SYT1: variants seen among roughly 807,000 people sequenced by gnomAD.
SYT1 encodes the protein synaptotagmin-1.
In SYT1, 8 loss-of-function variants were observed where a neutral mutation model predicts 44.8. The observed-to-expected ratio is 0.18, with a 90% CI of 0.10 to 0.32. SYT1 has a LOEUF of 0.32. Among genes scored for constraint, SYT1 ranks in the 10% least tolerant of loss-of-function variants. The probability of loss-of-function intolerance (pLI) is 1.00; values close to 1 mark genes in which losing one functional copy is unlikely to be tolerated. For synonymous variants in SYT1, 154 were observed against 188.8 expected (o/e 0.82, Z 1.51); for missense variants, 286 against 509.3 (o/e 0.56, Z 4.22).
At chr12:79,046,363 A>G (rs1321235484) in intron 2 of SYT1, 2 of 152,214 alleles carry the variant, frequency 1.3e-5, no homozygotes, top group African/African-American at 4.8e-5. Flanking sequence ...ACTTATTATA[A>G]GACCTATTTT....
chr12:79,248,979 A>G (rs1316341267), intron 4 of SYT1, among the ~76,000 whole-genome samples: 1 of 145,654 alleles, frequency 6.9e-6, no homozygotes, highest in Admixed American at 6.9e-5. Flanking sequence ...TGTTTTAGCT[A>G]TTTTTGACTC....
At chr12:79,448,053 A>G (rs1178617295) in intron 10 of SYT1, among the ~76,000 whole-genome samples, 1 of 152,220 alleles carries the variant, frequency 6.6e-6, no homozygotes, top group African/African-American at 2.4e-5. Flanking sequence ...TAAATTCATT[A>G]CTTAGGAAGT....
intron 4 of SYT1, among the ~76,000 whole-genome samples, chr12:79,251,944 G>C (rs1194803915): frequency 4.0e-5 from 6 of 151,414 alleles, no homozygotes; most frequent in African/African-American, 1.5e-4. Context: ...CAGTGTTATG[G>C]TAGTTGAATA....
intron 3 of SYT1, among the ~76,000 whole-genome samples, chr12:79,064,940 GAA>G (rs1360494407): frequency 8.3e-6 from 1 of 119,790 alleles, no homozygotes; most frequent in African/African-American, 3.2e-5. Flanking sequence ...AAGAAAGAAA[GAA>G]AGAAAGAAAG....
At position 79,286,043 on chromosome 12, in the gene SYT1, A is replaced by G. The variant is rs144432352; in HGVS notation, c.351+72A>G. ...AAACAAATGTATTATTTTATGCCAT[A>G]TAATTACAGAAATAAACAACTTCTG... On this transcript the variant is annotated intron_variant, in intron 5 of 10. Transcript: ENST00000261205. 986 of 1,488,020 alleles carry G rather than the reference A, an allele frequency of 6.6e-4. 4 individuals carry two copies. The African/African-American group carries it at 0.013, about 20-fold the overall frequency. The allele number at this position is 1,488,020 out of a possible 1,614,324, so 92.2% of individuals were successfully genotyped here.
At chr12:79,026,664 A>G (rs1351025449) in intron 2 of SYT1, among the ~76,000 whole-genome samples, 1 of 83,020 alleles carries the variant, frequency 1.2e-5, no homozygotes, top group African/African-American at 5.1e-5. Flanking sequence ...ATACATATAT[A>G]TTTTATATAT....
intron 4 of SYT1, among the ~76,000 whole-genome samples, chr12:79,265,198 A>G (rs1316088330): frequency 2.0e-5 from 3 of 152,138 alleles, no homozygotes; most frequent in Non-Finnish European, 4.4e-5. Context: ...ATATATTATC[A>G]CAAATCATTT....
At chr12:79,023,594 CG>C (rs1399657213) in intron 2 of SYT1, among the ~76,000 whole-genome samples, 7 of 151,782 alleles carry the variant, frequency 4.6e-5, no homozygotes, top group Admixed American at 2.0e-4. Context: ...AGCCTGTAGT[CG>C]TTGTTTTTAG....
chr12:79,346,379 C>T (rs79472600), intron 8 of SYT1, among the ~76,000 whole-genome samples: 1,531 of 152,228 alleles, frequency 0.01, 26 homozygotes, highest in African/African-American at 0.034. Flanking sequence ...TGATTGTCAG[C>T]TGTATATTCT....
At chr12:79,436,209 A>G (rs1870081479) in intron 9 of SYT1, among the ~76,000 whole-genome samples, 1 of 152,214 alleles carries the variant, frequency 6.6e-6, no homozygotes, top group South Asian at 2.1e-4. Context: ...AATTTGGAAT[A>G]GGTTTTTCGG....
At chr12:79,426,928 C>T (rs759547596) in intron 9 of SYT1, among the ~76,000 whole-genome samples, 3 of 152,232 alleles carry the variant, frequency 2.0e-5, no homozygotes, top group South Asian at 2.1e-4. Context: ...AGATATCTGA[C>T]GGTTTTATAA....
intron 2 of SYT1, among the ~76,000 whole-genome samples, chr12:79,002,259 G>A (rs1250922107): frequency 1.3e-5 from 2 of 152,026 alleles, no homozygotes; most frequent in Non-Finnish European, 2.9e-5. Flanking sequence ...GTGCATCAAT[G>A]CAACATGCTC....
chr12:79,434,233 A>G (rs557393679), intron 9 of SYT1, among the ~76,000 whole-genome samples: 1 of 152,300 alleles, frequency 6.6e-6, no homozygotes, highest in African/African-American at 2.4e-5. Context: ...CACTTGCATA[A>G]TGTTGTTTTC....
At chr12:79,213,360 T>C (rs555003970) in intron 3 of SYT1, among the ~76,000 whole-genome samples, 1 of 152,196 alleles carries the variant, frequency 6.6e-6, no homozygotes, top group Non-Finnish European at 1.5e-5. Flanking sequence ...TTTGATACTA[T>C]AGTGGCTAAG....
intron 3 of SYT1, among the ~76,000 whole-genome samples, chr12:79,167,515 A>G (rs189228022): frequency 1.3e-5 from 2 of 152,170 alleles, no homozygotes; most frequent in East Asian, 3.9e-4. Context: ...ATACTTGAGA[A>G]ACATAAAATT....
intron 1 of SYT1, among the ~76,000 whole-genome samples, chr12:78,930,605 TTGA>T (rs1877578924): frequency 2.0e-5 from 3 of 151,632 alleles, no homozygotes; most frequent in Non-Finnish European, 2.9e-5. Context: ...CTTTTGTAGA[TTGA>T]TAATGACAGG....
At chr12:79,319,172 A>T (rs1881238287) in intron 8 of SYT1, among the ~76,000 whole-genome samples, 1 of 152,192 alleles carries the variant, frequency 6.6e-6, no homozygotes, top group Admixed American at 6.5e-5. Context: ...GGTTTAAAAA[A>T]TGCCATTTTT....
intron 2 of SYT1, among the ~76,000 whole-genome samples, chr12:79,031,287 T>C (rs1055120247): frequency 1.5e-4 from 22 of 151,184 alleles, no homozygotes; most frequent in Admixed American, 1.3e-3. Context: ...ACGTAAATTT[T>C]ATTTTATGCC....
rs1359052959 is a variant in SYT1 at position 78,981,354 on chromosome 12, T to G, written c.-84+3423T>G. Among the ~76,000 whole-genome samples, 3 of 152,258 alleles carry G rather than the reference T, an allele frequency of 2.0e-5. No individual in the cohort carries two copies. In the South Asian group the frequency reaches 6.2e-4, roughly 32 times the overall value. On this transcript the variant is annotated intron_variant, in intron 2 of 10. Transcript: ENST00000261205. Reference sequence around the variant, plus strand: ...GTTGGCCAGGCTGGTCAAAAACTCCTGACCTCAGGTGATCCACCACCTTGG... The same window carrying G: ...GTTGGCCAGGCTGGTCAAAAACTCCGGACCTCAGGTGATCCACCACCTTGG...
Sources: gnomAD v4.1 joint callset for allele counts (sites outside exome capture counted in the v4.1 genomes callset) on GRCh38, gnomAD v4.1.1 for gene constraint, MANE v1.5 for transcripts, NCBI Gene and HGNC (gene_info 2026-07-23, HGNC 2026-07-21) for gene names.